Variants in SENP7 observed in about 807,000 individuals in gnomAD.
SENP7 encodes SUMO specific peptidase 7, also known as sentrin-specific protease 7.
In SENP7, 64 loss-of-function variants were observed where a neutral mutation model predicts 141.2. That is an observed-to-expected ratio of 0.45 (90% CI 0.37 to 0.56). SENP7 has a LOEUF of 0.56. Among genes scored for constraint, SENP7 ranks in the 20% least tolerant of loss-of-function variants. The probability of loss-of-function intolerance (pLI) is 0.00; values close to 1 mark genes in which losing one functional copy is unlikely to be tolerated. For synonymous variants in SENP7, 382 were observed against 426.4 expected (o/e 0.90, Z 1.28); for missense variants, 1,025 against 1,212.2 (o/e 0.85, Z 2.29).
intron 2 of SENP7, among the ~76,000 whole-genome samples, chr3:101,499,785 TCAG>T (rs1177156508): frequency 6.6e-6 from 1 of 152,110 alleles, no homozygotes; most frequent in East Asian, 1.9e-4. Context: ...TCTGCCCACC[TCAG>T]CCTCCCAAAG....
chr3:101,394,924 G>A (rs1559763697), intron 6 of SENP7, among the ~76,000 whole-genome samples: 1 of 152,120 alleles, frequency 6.6e-6, no homozygotes, highest in Non-Finnish European at 1.5e-5. Flanking sequence ...TCACATACCT[G>A]TTTGTCATTT....
intron 4 of SENP7, among the ~76,000 whole-genome samples, chr3:101,456,771 A>G (rs2063363573): frequency 6.6e-6 from 1 of 152,166 alleles, no homozygotes. Context: ...TTTAAATAAT[A>G]TAAGTATTTT....
chr3:101,504,217 C>T (rs566304924), intron 1 of SENP7, among the ~76,000 whole-genome samples: 1 of 151,120 alleles, frequency 6.6e-6, no homozygotes, highest in East Asian at 2.0e-4. Context: ...AATGGGAGGC[C>T]GAGGTGGTTG....
intron 1 of SENP7, among the ~76,000 whole-genome samples, chr3:101,510,575 G>C (rs905698962): frequency 6.6e-6 from 1 of 151,892 alleles, no homozygotes; most frequent in East Asian, 1.9e-4. Flanking sequence ...CTTCATGGCC[G>C]GGCACGGTGG....
intron 3 of SENP7, among the ~76,000 whole-genome samples, chr3:101,478,274 T>A (rs1198624121): frequency 2.0e-5 from 3 of 152,100 alleles, no homozygotes; most frequent in Non-Finnish European, 4.4e-5. Flanking sequence ...TCCCAGCGCT[T>A]TGAAAGGCCA....
intron 4 of SENP7, among the ~76,000 whole-genome samples, chr3:101,442,286 G>A (rs1026875834): frequency 2.0e-5 from 3 of 152,178 alleles, no homozygotes; most frequent in Non-Finnish European, 4.4e-5. Flanking sequence ...CCAGTTTCAG[G>A]GAAGACAATT....
intron 3 of SENP7, among the ~76,000 whole-genome samples, chr3:101,493,201 G>A (rs898521693): frequency 3.3e-5 from 5 of 152,034 alleles, no homozygotes; most frequent in South Asian, 2.1e-4. Flanking sequence ...CAGAACACGC[G>A]GACACATAGA....
intron 4 of SENP7, among the ~76,000 whole-genome samples, chr3:101,423,819 G>A (rs775551861): frequency 3.9e-5 from 6 of 152,128 alleles, no homozygotes; most frequent in Admixed American, 6.5e-5. Context: ...GAACTGGCAA[G>A]GGGCAATCCA....
chr3:101,447,800 A>G (rs1399638661), intron 4 of SENP7, among the ~76,000 whole-genome samples: 1 of 148,686 alleles, frequency 6.7e-6, no homozygotes, highest in African/African-American at 2.5e-5. Flanking sequence ...AAAAAATAGC[A>G]AAGTTGTAAG....
At chr3:101,461,035 G>C (rs2063527795) in intron 3 of SENP7, among the ~76,000 whole-genome samples, 1 of 151,766 alleles carries the variant, frequency 6.6e-6, no homozygotes, top group Non-Finnish European at 1.5e-5. Flanking sequence ...AATGTGAATA[G>C]ATATTTCTCC....
chr3:101,327,396 G>A (rs2058931138), intron 23 of SENP7, among the ~76,000 whole-genome samples: 1 of 151,930 alleles, frequency 6.6e-6, no homozygotes, highest in Admixed American at 6.6e-5. Context: ...GTTTTATAAG[G>A]GGCTTCCCCC....
chr3:101,395,324 T>C (rs141918783), intron 6 of SENP7, among the ~76,000 whole-genome samples: 1 of 152,364 alleles, frequency 6.6e-6, no homozygotes, highest in African/African-American at 2.4e-5. Context: ...TGATTTTTTA[T>C]ATGTGGTGAG....
At chr3:101,411,440 T>C (rs571572471) in intron 5 of SENP7, among the ~76,000 whole-genome samples, 5 of 152,198 alleles carry the variant, frequency 3.3e-5, no homozygotes, top group Non-Finnish European at 7.4e-5. Context: ...ACATAGCTCT[T>C]CATAGCACAC....
chr3:101,343,377 T>C (rs2059377408), intron 14 of SENP7, among the ~76,000 whole-genome samples: 1 of 152,184 alleles, frequency 6.6e-6, no homozygotes, highest in South Asian at 2.1e-4. Context: ...TTCCTTTTCA[T>C]TTATTAATTG....
chr3:101,443,090 G>A (rs895615380), intron 4 of SENP7, among the ~76,000 whole-genome samples: 4 of 152,226 alleles, frequency 2.6e-5, no homozygotes, highest in South Asian at 2.1e-4. Context: ...TAGGTCAAAC[G>A]TTTAAGTCTT....
intron 3 of SENP7, among the ~76,000 whole-genome samples, chr3:101,487,671 T>C (rs934674964): frequency 9.2e-5 from 14 of 152,310 alleles, no homozygotes; most frequent in East Asian, 1.9e-4. Context: ...TTTCATTCTG[T>C]TGCATATGGC....
At chr3:101,464,454 A>T (rs1273041145) in intron 3 of SENP7, among the ~76,000 whole-genome samples, 1 of 152,070 alleles carries the variant, frequency 6.6e-6, no homozygotes, top group Non-Finnish European at 1.5e-5. Context: ...GAGCTCCACC[A>T]CCTGTCAGGT....
intron 12 of SENP7, among the ~76,000 whole-genome samples, 186 bp from the exon 13 acceptor site, chr3:101,348,237 G>A (rs1271588214): frequency 6.6e-6 from 1 of 151,950 alleles, no homozygotes; most frequent in Non-Finnish European, 1.5e-5. Context: ...AGTATTATTA[G>A]AGTAAAAATA....
intron 5 of SENP7, among the ~76,000 whole-genome samples, chr3:101,409,442 T>G (rs765598836): frequency 2.8e-4 from 42 of 152,006 alleles, no homozygotes; most frequent in Non-Finnish European, 4.9e-4. Context: ...AAAACAATTA[T>G]AAAATTCAAA....
Sources: allele counts gnomAD v4.1 joint callset (sites outside exome capture counted in the v4.1 genomes callset), GRCh38; gene constraint gnomAD v4.1.1; transcripts MANE v1.5; gene names NCBI Gene and HGNC (gene_info 2026-07-23, HGNC 2026-07-21).